Variants in TYW1B observed in about 807,000 individuals in gnomAD.
TYW1B encodes the protein S-adenosyl-L-methionine-dependent tRNA 4-demethylwyosine synthase TYW1B.
Under a neutral mutation model 86.9 loss-of-function variants are expected in TYW1B, and 73 were observed. That is an observed-to-expected ratio of 0.84 (90% CI 0.70 to 1.02). The LOEUF (loss-of-function observed/expected upper bound fraction) is 1.02, where lower values mean the gene tolerates loss of function less well. Among genes scored for constraint, TYW1B ranks in the 50% least tolerant of loss-of-function variants. TYW1B has a pLI of 0.00. For synonymous variants in TYW1B, 248 were observed against 292.8 expected (o/e 0.85, Z 1.56); for missense variants, 637 against 827.4 (o/e 0.77, Z 2.82).
At chr7:72,755,225 C>T (rs1222150735) in intron 7 of TYW1B, among the ~76,000 whole-genome samples, 1 of 152,016 alleles carries the variant, frequency 6.6e-6, no homozygotes, top group Non-Finnish European at 1.5e-5. Context: ...CAAGACCAGC[C>T]TGAGCAACAT....
At chr7:72,706,431 C>CAAAAAAAAAAA (rs59124514) in intron 10 of TYW1B, among the ~76,000 whole-genome samples, 2 of 64,490 alleles carry the variant, frequency 3.1e-5, no homozygotes, top group African/African-American at 6.6e-5. Flanking sequence ...CCTCCATCTC[C>CAAAAAAAAAAA]AAAAAAAAAA....
chr7:72,779,196 G>A (rs1788006622), intron 6 of TYW1B, among the ~76,000 whole-genome samples: 1 of 152,198 alleles, frequency 6.6e-6, no homozygotes, highest in South Asian at 2.1e-4. Context: ...ATAAGTGAAT[G>A]GACTCACTGT....
intron 7 of TYW1B, among the ~76,000 whole-genome samples, chr7:72,745,753 G>A (rs571966490): frequency 1.3e-5 from 2 of 151,948 alleles, no homozygotes; most frequent in Non-Finnish European, 2.9e-5. Context: ...CTGATTTTGA[G>A]GCCAAGTGAC....
chr7:72,765,748 G>A (rs1287978304), intron 7 of TYW1B, among the ~76,000 whole-genome samples: 3 of 152,162 alleles, frequency 2.0e-5, no homozygotes, highest in Admixed American at 1.3e-4. Flanking sequence ...TTTCAGGTGT[G>A]ACCAACTGGT....
At chr7:72,815,000 C>T (rs1176490462) in intron 3 of TYW1B, among the ~76,000 whole-genome samples, 3 of 146,670 alleles carry the variant, frequency 2.0e-5, no homozygotes, top group Admixed American at 1.4e-4. Flanking sequence ...AACCTGGAGA[C>T]GGACACTGCA....
chr7:72,750,519 A>C (rs1787481211), intron 7 of TYW1B, among the ~76,000 whole-genome samples: 1 of 152,110 alleles, frequency 6.6e-6, no homozygotes, highest in African/African-American at 2.4e-5. Flanking sequence ...TTAGATGATT[A>C]GTTATATAAA....
At chr7:72,658,629 G>C (rs1416999891) in intron 11 of TYW1B, among the ~76,000 whole-genome samples, 1 of 152,144 alleles carries the variant, frequency 6.6e-6, no homozygotes, top group Non-Finnish European at 1.5e-5. Flanking sequence ...TCCTTAAAAA[G>C]AAACTACATT....
chr7:72,643,398 T>C (rs1370699830), intron 11 of TYW1B, among the ~76,000 whole-genome samples: 2 of 151,918 alleles, frequency 1.3e-5, no homozygotes, highest in Admixed American at 6.6e-5. Flanking sequence ...ACCAGCCTGA[T>C]CAACACTGTG....
intron 3 of TYW1B, among the ~76,000 whole-genome samples, chr7:72,814,167 T>C (rs1238504846): frequency 6.6e-6 from 1 of 152,084 alleles, no homozygotes. Context: ...ATAACAACCC[T>C]TCCTTGATTA....
intron 13 of TYW1B, among the ~76,000 whole-genome samples, chr7:72,578,742 C>T (rs782578963): frequency 3.3e-5 from 5 of 152,116 alleles, no homozygotes; most frequent in Admixed American, 1.3e-4. Context: ...TACAACATAG[C>T]GTGTATAGTG....
chr7:72,610,626 TTTGTTG>T (rs71517348), intron 13 of TYW1B, among the ~76,000 whole-genome samples: 18 of 146,444 alleles, frequency 1.2e-4, no homozygotes, highest in South Asian at 6.4e-4. Flanking sequence ...TTATAACAGG[TTTGTTG>T]TTGTTGTTGT....
At chr7:72,761,373 C>T (rs1254675907) in intron 7 of TYW1B, among the ~76,000 whole-genome samples, 4 of 151,728 alleles carry the variant, frequency 2.6e-5, no homozygotes, top group African/African-American at 7.3e-5. Flanking sequence ...TAAAATGTGC[C>T]TAAAATATAT....
At chr7:72,716,805 A>ATTTTTTTTTTTTTT (rs71071904) in intron 9 of TYW1B, among the ~76,000 whole-genome samples, 2 of 136,466 alleles carry the variant, frequency 1.5e-5, no homozygotes, top group African/African-American at 5.5e-5. Flanking sequence ...CGTCTGGCTA[A>ATTTTTTTTTTTTTT]TTTTTTTTTT....
At position 72,828,101 on chromosome 7, in the gene TYW1B, G is replaced by C. The variant is rs782334588; in HGVS notation, c.-26C>G. The C allele has an allele frequency of 6.2e-7, 1 of 1,613,748 alleles. No homozygotes were observed. ...CCTCCTCAGAGCCGACAGGAGACTA[G>C]GATCTCGGACCTGGAGAGCCCAAAG... On this transcript the variant is annotated 5_prime_UTR_variant, in exon 1 of 14. Coordinates refer to ENST00000620995, the MANE Select transcript of TYW1B (RefSeq NM_001145440.3).
Position 72,590,575 on chromosome 7 carries a change from T to A in TYW1B, c.1786-14856A>T, listed in dbSNP as rs1479919120. ...ATAGGGAAATTATAGTTACCATGGA[T>A]GCCCAGGGAAAGGTACAGTCTTCAA... On this transcript the variant is annotated intron_variant, in intron 13 of 13. Coordinates refer to ENST00000620995, the MANE Select transcript of TYW1B (RefSeq NM_001145440.3). Among the ~76,000 whole-genome samples, 4 of 152,302 alleles carry A rather than the reference T, an allele frequency of 2.6e-5. No homozygotes were observed. In the East Asian group the frequency reaches 5.8e-4, roughly 22 times the overall value.
intron 7 of TYW1B, among the ~76,000 whole-genome samples, chr7:72,759,383 G>A (rs1787650399): frequency 6.6e-6 from 1 of 152,118 alleles, no homozygotes; most frequent in South Asian, 2.1e-4. Context: ...TGAAACAACA[G>A]TCTGAATTCC....
At chr7:72,776,257 A>G (rs558473089) in intron 7 of TYW1B, among the ~76,000 whole-genome samples, 50 of 152,312 alleles carry the variant, frequency 3.3e-4, no homozygotes, top group African/African-American at 1.2e-3. Context: ...AAGTGAGATA[A>G]CATCACTCAA....
chr7:72,633,333 C>T (rs1309385003), intron 11 of TYW1B, among the ~76,000 whole-genome samples: 6 of 152,248 alleles, frequency 3.9e-5, no homozygotes, highest in African/African-American at 1.4e-4. Flanking sequence ...TCTAACACCA[C>T]TGGCTTGCCC....
Position 72,632,307 on chromosome 7 carries a change from ATATAT to A in TYW1B, c.1507-3315_1507-3311del, listed in dbSNP as rs1167321930. Among the ~76,000 whole-genome samples the A allele has an allele frequency of 1.4e-4, 13 of 93,020 alleles. 1 individual carries two copies. Among genetic ancestry groups the A allele is most frequent in the African/African-American group, 6.4e-4 (12 of 18,804 alleles). 61.0% of individuals were successfully genotyped at this position (93,020 alleles called of 152,430 possible). The stretch of plus-strand genomic sequence containing the variant: ...CGTGTATATATATATATACGTGTAT[ATATAT>A]TATATATATTATATATATATACACG... On this transcript the variant is annotated intron_variant, in intron 11 of 13. Coordinates refer to ENST00000620995, the MANE Select transcript of TYW1B (RefSeq NM_001145440.3).
Sources: gnomAD v4.1 joint callset for allele counts (sites outside exome capture counted in the v4.1 genomes callset) on GRCh38, gnomAD v4.1.1 for gene constraint, MANE v1.5 for transcripts, NCBI Gene and HGNC (gene_info 2026-07-23, HGNC 2026-07-21) for gene names.